HS3ST5: variants seen among roughly 807,000 people sequenced by gnomAD.
The protein encoded by HS3ST5 is heparan sulfate glucosamine 3-O-sulfotransferase 5.
A neutral mutation model predicts 25.4 loss-of-function variants in HS3ST5; 10 were observed. The observed-to-expected ratio is 0.39, with a 90% CI of 0.24 to 0.67. The LOEUF (loss-of-function observed/expected upper bound fraction) is 0.67, where lower values mean the gene tolerates loss of function less well. HS3ST5 is among the 30% of genes least tolerant of loss of function. The probability of loss-of-function intolerance (pLI) is 0.44; values close to 1 mark genes in which losing one functional copy is unlikely to be tolerated. For missense variants in HS3ST5, 324 were observed against 420.7 expected, an observed-to-expected ratio of 0.77 and a Z score of 2.01; for synonymous variants, 170 against 162.4, an observed-to-expected ratio of 1.05 and a Z score of -0.36.
intron 1 of HS3ST5, among the ~76,000 whole-genome samples, chr6:114,341,761 ACT>A (rs1776888734): frequency 6.6e-6 from 1 of 151,834 alleles, no homozygotes; most frequent in African/African-American, 2.4e-5. Flanking sequence ...GCAGGCCCCC[ACT>A]GTCCCAAAGC....
At chr6:114,169,484 A>G (rs1056016731) in intron 2 of HS3ST5, among the ~76,000 whole-genome samples, 2 of 152,134 alleles carry the variant, frequency 1.3e-5, no homozygotes, top group African/African-American at 4.8e-5. Flanking sequence ...TATTGCCCAC[A>G]TCGTTCTAGA....
intron 2 of HS3ST5, among the ~76,000 whole-genome samples, chr6:114,225,471 A>G (rs932202144): frequency 2.6e-5 from 4 of 151,842 alleles, no homozygotes; most frequent in Non-Finnish European, 5.9e-5. Context: ...TTATTTTAGG[A>G]TGAAGAAACA....
At chr6:114,149,384 T>C (rs1386259759) in intron 3 of HS3ST5, among the ~76,000 whole-genome samples, 1 of 152,182 alleles carries the variant, frequency 6.6e-6, no homozygotes, top group African/African-American at 2.4e-5. Flanking sequence ...ATGTACACCA[T>C]GGAATACTAT....
intron 3 of HS3ST5, among the ~76,000 whole-genome samples, chr6:114,128,045 A>T (rs1562207662): frequency 6.6e-6 from 1 of 152,024 alleles, no homozygotes; most frequent in Admixed American, 6.6e-5. Flanking sequence ...ATCACTTGAG[A>T]TTCTCTATGA....
chr6:114,242,418 T>G (rs1400300158), intron 1 of HS3ST5, among the ~76,000 whole-genome samples: 2 of 152,070 alleles, frequency 1.3e-5, no homozygotes, highest in Non-Finnish European at 2.9e-5. Flanking sequence ...GAATAATGAG[T>G]AAATGAATGG....
At chr6:114,103,378 AATATT>A (rs2114826769) in intron 3 of HS3ST5, among the ~76,000 whole-genome samples, 2 of 152,132 alleles carry the variant, frequency 1.3e-5, no homozygotes, top group South Asian at 4.2e-4. Context: ...TGATTTTATG[AATATT>A]ATGTTTTATG....
intron 3 of HS3ST5, among the ~76,000 whole-genome samples, chr6:114,074,580 C>G (rs912820116): frequency 6.6e-6 from 1 of 152,122 alleles, no homozygotes; most frequent in Non-Finnish European, 1.5e-5. Flanking sequence ...TTTACAGAGG[C>G]CTGTTTTCAA....
intron 3 of HS3ST5, among the ~76,000 whole-genome samples, chr6:114,164,251 TTACA>T (rs1303679237): frequency 2.0e-5 from 3 of 152,128 alleles, no homozygotes; most frequent in African/African-American, 7.2e-5. Flanking sequence ...ACAAAATACC[TTACA>T]GTTTACAAAA....
chr6:114,080,399 C>G (rs1395493700), intron 3 of HS3ST5, among the ~76,000 whole-genome samples: 2 of 152,148 alleles, frequency 1.3e-5, no homozygotes, highest in Admixed American at 6.5e-5. Context: ...GAACATAAAA[C>G]AGAACTACCA....
intron 1 of HS3ST5, among the ~76,000 whole-genome samples, chr6:114,262,946 T>G (rs1177965405): frequency 2.6e-5 from 4 of 152,162 alleles, no homozygotes; most frequent in Admixed American, 2.6e-4. Flanking sequence ...AACCAGAATA[T>G]TATTAGTAAT....
At position 114,273,754 on chromosome 6, in the gene HS3ST5, G is replaced by A. The variant is rs1187262719; in HGVS notation, c.-338-44976C>T. On this transcript the variant is annotated intron_variant, in intron 1 of 4. Transcript: ENST00000312719. Reference sequence around the variant, plus strand: ...GAACTGACCTCTGTATGTGCAAGATGTAGTTATGGGTGATGCTGAAAGAGC... The same window carrying A: ...GAACTGACCTCTGTATGTGCAAGATATAGTTATGGGTGATGCTGAAAGAGC... 2.0e-5 allele frequency among the ~76,000 whole-genome samples: 3 copies of A among 152,054 alleles called. No individual in the cohort carries two copies. The East Asian group carries it at 5.8e-4, about 29-fold the overall frequency.
chr6:114,165,850 A>G (rs1405198799), intron 3 of HS3ST5, among the ~76,000 whole-genome samples: 1 of 152,092 alleles, frequency 6.6e-6, no homozygotes, highest in Non-Finnish European at 1.5e-5. Flanking sequence ...CCTACTTCAT[A>G]GAGTTATTTG....
intron 1 of HS3ST5, among the ~76,000 whole-genome samples, chr6:114,276,537 G>A (rs1327519572): frequency 1.3e-5 from 2 of 149,838 alleles, no homozygotes; most frequent in Non-Finnish European, 3.0e-5. Flanking sequence ...TTTTTTGTAT[G>A]AGTACAAATT....
intron 3 of HS3ST5, among the ~76,000 whole-genome samples, chr6:114,155,685 A>C (rs1252181909): frequency 6.6e-6 from 1 of 152,216 alleles, no homozygotes; most frequent in Non-Finnish European, 1.5e-5. Flanking sequence ...CATACACCTA[A>C]GTGACATAAT....
intron 1 of HS3ST5, among the ~76,000 whole-genome samples, chr6:114,268,000 C>T (rs981976782): frequency 2.0e-5 from 3 of 152,156 alleles, no homozygotes; most frequent in Non-Finnish European, 4.4e-5. Flanking sequence ...GATATGCATT[C>T]GCAACATTAA....
chr6:114,200,012 GGA>G (rs1780938745), intron 2 of HS3ST5, among the ~76,000 whole-genome samples: 1 of 152,148 alleles, frequency 6.6e-6, no homozygotes, highest in South Asian at 2.1e-4. Flanking sequence ...CCTGAGGTCA[GGA>G]GTTCGAAACC....
intron 1 of HS3ST5, among the ~76,000 whole-genome samples, chr6:114,299,176 G>A (rs12199304): frequency 0.12 from 18,928 of 152,148 alleles, 1,456 homozygotes; most frequent in Non-Finnish European, 0.17. Flanking sequence ...GCCCCCTTGG[G>A]TGTAGCCATC....
intron 1 of HS3ST5, among the ~76,000 whole-genome samples, chr6:114,269,930 T>C (rs1773567240): frequency 6.6e-6 from 1 of 152,330 alleles, no homozygotes; most frequent in Middle Eastern, 3.4e-3. Flanking sequence ...CAGTCACTTT[T>C]GGCCATCATC....
At chr6:114,221,281 T>C (rs1782019008) in intron 2 of HS3ST5, among the ~76,000 whole-genome samples, 1 of 152,010 alleles carries the variant, frequency 6.6e-6, no homozygotes, top group South Asian at 2.1e-4. Flanking sequence ...ATTACCTACA[T>C]TTTTAATAAA....
Sources: gnomAD v4.1 joint callset for allele counts (sites outside exome capture counted in the v4.1 genomes callset) on GRCh38, gnomAD v4.1.1 for gene constraint, MANE v1.5 for transcripts, NCBI Gene and HGNC (gene_info 2026-07-23, HGNC 2026-07-21) for gene names.